The following FAF1 variants were observed in gnomAD, a reference collection of about 807,000 sequenced individuals.
FAF1 encodes the protein FAS-associated factor 1.
A neutral mutation model predicts 92.5 loss-of-function variants in FAF1; 25 were observed. The observed-to-expected ratio is 0.27, with a 90% CI of 0.20 to 0.38. The LOEUF (loss-of-function observed/expected upper bound fraction) is 0.38, where lower values mean the gene tolerates loss of function less well. Among genes scored for constraint, FAF1 ranks in the 10% least tolerant of loss-of-function variants. FAF1 has a pLI of 1.00. For missense variants in FAF1, 636 were observed against 793.3 expected, an observed-to-expected ratio of 0.80 and a Z score of 2.38; for synonymous variants, 234 against 273.2, an observed-to-expected ratio of 0.86 and a Z score of 1.42.
intron 13 of FAF1, among the ~76,000 whole-genome samples, chr1:50,546,140 T>C (rs1165938209): frequency 6.6e-6 from 1 of 152,196 alleles, no homozygotes; most frequent in Non-Finnish European, 1.5e-5. Flanking sequence ...CACTCCAGCC[T>C]GGGCAACAGA....
chr1:50,660,987 A>G (rs1381365387), intron 7 of FAF1, among the ~76,000 whole-genome samples: 1 of 152,212 alleles, frequency 6.6e-6, no homozygotes, highest in Non-Finnish European at 1.5e-5. Flanking sequence ...TGCTAAACAT[A>G]TACAAGACAA....
At chr1:50,904,265 G>A (rs1644818142) in intron 1 of FAF1, among the ~76,000 whole-genome samples, 1 of 152,126 alleles carries the variant, frequency 6.6e-6, no homozygotes, top group South Asian at 2.1e-4. Context: ...CAGACACAAA[G>A]GGACAAATAC....
At chr1:50,553,804 A>G (rs1416564821) in intron 13 of FAF1, among the ~76,000 whole-genome samples, 1 of 152,196 alleles carries the variant, frequency 6.6e-6, no homozygotes, top group Non-Finnish European at 1.5e-5. Context: ...GGCTTATATC[A>G]GGTAACTGCA....
chr1:50,842,692 G>A (rs1452915786), intron 2 of FAF1, among the ~76,000 whole-genome samples: 1 of 151,952 alleles, frequency 6.6e-6, no homozygotes, highest in African/African-American at 2.4e-5. Context: ...TCACCTGGCT[G>A]GCTCCTCGTT....
chr1:50,522,404 C>CTCTTT (rs1647550476), intron 15 of FAF1, among the ~76,000 whole-genome samples: 1 of 152,194 alleles, frequency 6.6e-6, no homozygotes, highest in Non-Finnish European at 1.5e-5. Flanking sequence ...CAATTACTAT[C>CTCTTT]TCTTAAGATT....
chr1:50,896,896 T>C (rs796780463), intron 1 of FAF1, among the ~76,000 whole-genome samples: 2 of 152,214 alleles, frequency 1.3e-5, no homozygotes, highest in African/African-American at 2.4e-5. Context: ...CTATACTTAA[T>C]ACCACTGGAT....
chr1:50,691,877 T>A (rs1248787468), intron 7 of FAF1, among the ~76,000 whole-genome samples: 3 of 152,200 alleles, frequency 2.0e-5, no homozygotes, highest in Non-Finnish European at 4.4e-5. Flanking sequence ...GGGTACAAAG[T>A]GATGTTTTGA....
At chr1:50,485,695 A>C (rs1476985925) in intron 17 of FAF1, among the ~76,000 whole-genome samples, 1 of 147,976 alleles carries the variant, frequency 6.8e-6, no homozygotes, top group Admixed American at 6.7e-5. Flanking sequence ...AAAAAAAAAA[A>C]ACCAAAAAAA....
At chr1:50,763,317 T>C (rs1408988604) in intron 4 of FAF1, among the ~76,000 whole-genome samples, 1 of 151,768 alleles carries the variant, frequency 6.6e-6, no homozygotes, top group Non-Finnish European at 1.5e-5. Flanking sequence ...GTATCTTTGT[T>C]TCTCTGGCTC....
Position 50,764,942 on chromosome 1 carries a change from T to C in FAF1, c.368-20167A>G, listed in dbSNP as rs376586002. ...ATCTTTACGTTGGAAACTAGGGTGG[T>C]TCACATTCATGTGGCTCTATGTTAA... is the stretch of plus-strand genomic sequence containing the variant. On this transcript the variant is annotated intron_variant, in intron 4 of 18. Transcript: ENST00000396153. Among the ~76,000 whole-genome samples the C allele has an allele frequency of 7.9e-5, 12 of 152,302 alleles. No individual in the cohort carries two copies. In the East Asian group the frequency reaches 2.1e-3, roughly 27 times the overall value.
chr1:50,526,880 G>A (rs1238936275), intron 15 of FAF1, among the ~76,000 whole-genome samples: 1 of 150,056 alleles, frequency 6.7e-6, no homozygotes, highest in Non-Finnish European at 1.5e-5. Context: ...TTTTGAGACA[G>A]AGACTTGCTC....
chr1:50,825,661 CA>C (rs141803724), intron 2 of FAF1, among the ~76,000 whole-genome samples: 1 of 151,278 alleles, frequency 6.6e-6, no homozygotes, highest in African/African-American at 2.4e-5. Context: ...TACCTGAACA[CA>C]AAAAAAACCC....
chr1:50,724,249 A>C (rs1035083939), intron 6 of FAF1, among the ~76,000 whole-genome samples: 54 of 149,450 alleles, frequency 3.6e-4, no homozygotes, highest in Admixed American at 7.4e-4. Context: ...AAAAAAAAAA[A>C]AAAAAACAAC....
chr1:50,821,402 T>G (rs1455900281), intron 2 of FAF1, among the ~76,000 whole-genome samples: 1 of 152,172 alleles, frequency 6.6e-6, no homozygotes, highest in Non-Finnish European at 1.5e-5. Context: ...TCAGATAGTT[T>G]TTAGCATACA....
chr1:50,836,170 G>GT (rs36053491), intron 2 of FAF1, among the ~76,000 whole-genome samples: 4,216 of 98,498 alleles, frequency 0.043, 479 homozygotes, highest in African/African-American at 0.13. Flanking sequence ...TTTTGTTTCT[G>GT]TTTTTTTTTT....
chr1:50,802,321 C>T (rs1662025498), intron 2 of FAF1, among the ~76,000 whole-genome samples: 1 of 152,126 alleles, frequency 6.6e-6, no homozygotes, highest in South Asian at 2.1e-4. Flanking sequence ...AACTCCCAAC[C>T]TCAGGTGATC....
In FAF1 at chr1:50,687,477, C is replaced by T. The variant is rs77540857; in HGVS notation, c.657+18309G>A. On this transcript the variant is annotated intron_variant, in intron 7 of 18. Transcript: ENST00000396153. ...AATGATGCTCAAAACTGGCCGGGTG[C>T]GATGGCTCATGCCTGTAATTCCAGC... Among the ~76,000 whole-genome samples the T allele has an allele frequency of 7.7e-3, 1,178 of 152,082 alleles. 14 individuals carry two copies. The highest frequency in any genetic ancestry group is 0.027 in the African/African-American group (1,136 of 41,482).
At chr1:50,755,515 C>T (rs372453485) in intron 4 of FAF1, among the ~76,000 whole-genome samples, 34 of 152,248 alleles carry the variant, frequency 2.2e-4, no homozygotes, top group Non-Finnish European at 3.8e-4. Flanking sequence ...TCCAGGTTCA[C>T]GGTGCAAGCT....
rs918017319 is a variant in FAF1, at chr1:50,441,350, C to T, written c.*90G>A. The stretch of plus-strand genomic sequence containing the variant: ...AAGTGTGACATTGAATTGAGTGAGA[C>T]GAGCGTGTGGGTGGGTTGGCGAGGA... On this transcript the variant is annotated 3_prime_UTR_variant, in exon 19 of 19. Transcript: ENST00000396153. 7 of 669,546 alleles carry T rather than the reference C, an allele frequency of 1.0e-5. No homozygotes were observed. Among genetic ancestry groups the T allele is most frequent in the Admixed American group, 3.2e-5 (1 of 31,690 alleles). 41.5% of individuals were successfully genotyped at this position (669,546 alleles called of 1,614,324 possible).
Sources: allele counts gnomAD v4.1 joint callset (sites outside exome capture counted in the v4.1 genomes callset), GRCh38; gene constraint gnomAD v4.1.1; transcripts MANE v1.5; gene names NCBI Gene and HGNC (gene_info 2026-07-23, HGNC 2026-07-21).